Variants in TCN1 observed in about 807,000 individuals in gnomAD.
TCN1 encodes the protein transcobalamin 1, also known as transcobalamin-1.
In TCN1, 47 loss-of-function variants were observed where a neutral mutation model predicts 46.3. The ratio of observed to expected loss-of-function variants is 1.01; its 90% CI spans 0.80 to 1.29. TCN1 has a LOEUF of 1.29. Among genes scored for constraint, TCN1 ranks in the 50% most tolerant of loss-of-function variants. TCN1 has a pLI of 0.00. For synonymous variants in TCN1, 183 were observed against 192.5 expected (o/e 0.95, Z 0.41); for missense variants, 532 against 511.0 (o/e 1.04, Z -0.40).
At chr11:59,855,215 G>A (rs146841598) in intron 6 of TCN1, among the ~76,000 whole-genome samples, 101 of 152,022 alleles carry the variant, frequency 6.6e-4, no homozygotes, top group African/African-American at 2.2e-3. Flanking sequence ...GAATTGCCAG[G>A]CACTATACTA....
Position 59,864,147 on chromosome 11 carries a change from A to C in TCN1, c.80-61T>G. 3 of 1,560,828 alleles carry C rather than the reference A, an allele frequency of 1.9e-6. No individual in the cohort carries two copies. The South Asian group carries it at 3.3e-5, about 17-fold the overall frequency. ...CTCAGAAAATAGTAAGACTTGCAGC[A>C]GGGGTTATATAAAAATATTTAGTAA... is the stretch of plus-strand genomic sequence containing the variant. On this transcript the variant is annotated intron_variant, in intron 1 of 8. Coordinates refer to ENST00000257264, the MANE Select transcript of TCN1 (RefSeq NM_001062.4).
At chr11:59,864,239 G>A (rs1341717890) in intron 1 of TCN1, among the ~76,000 whole-genome samples, 153 bp from the exon 2 acceptor site, 2 of 152,124 alleles carry the variant, frequency 1.3e-5, no homozygotes, top group Non-Finnish European at 2.9e-5. Flanking sequence ...ATACAAAGGT[G>A]GGTCTTGAAC....
chr11:59,860,375 C>T (rs1041534080), intron 4 of TCN1, among the ~76,000 whole-genome samples: 5 of 151,092 alleles, frequency 3.3e-5, no homozygotes, highest in South Asian at 2.1e-4. Flanking sequence ...GTGATCCACC[C>T]GCCTCGGCCT....
chr11:59,855,698 C>T (rs539344783), intron 6 of TCN1, among the ~76,000 whole-genome samples, 171 bp downstream of exon 6: 13 of 152,176 alleles, frequency 8.5e-5, no homozygotes, highest in Non-Finnish European at 1.5e-4. Flanking sequence ...AAGAACAAAT[C>T]CTCAGGTGAC....
At chr11:59,856,138 G>A (rs914925126) in intron 5 of TCN1, 80 bp from the exon 6 acceptor site, 3 of 1,178,800 alleles carry the variant, frequency 2.5e-6, no homozygotes, top group African/African-American at 3.0e-5. Context: ...TCAAATAAGG[G>A]GGAAGCCTTA....
Position 59,862,673 on chromosome 11 carries a change from T to C in TCN1, c.309A>G (p.Gly103=). Residue 103 remains glycine (G), a synonymous_variant, in exon 3 of 9, where the codon GGA becomes GGG. Coordinates refer to ENST00000257264, the MANE Select transcript of TCN1 (RefSeq NM_001062.4). ...AGTTTTCCTCAGCGTTACGACATAC[T>C]CCCAAAGCCAGTATAATCAAGGCAA... The part of the protein sequence containing the change: ...GELALIILAL[G]VCRNAEENLI... The C allele has an allele frequency of 6.2e-7, 1 of 1,613,780 alleles. No homozygotes were observed. The highest frequency in any genetic ancestry group is 8.5e-7 in the Non-Finnish European group (1 of 1,179,860).
At position 59,861,442 on chromosome 11, in the gene TCN1, G is replaced by C; in HGVS notation, c.556+85C>G. On this transcript the variant is annotated intron_variant, in intron 4 of 8. Transcript: ENST00000257264. ...AAAGAGGGTAGAAAATAAAATCCAG[G>C]TACTTACTGGTAGAAAAACTCAAAG... 5.6e-6 allele frequency: 8 copies of C among 1,426,588 alleles called. No homozygotes were observed. The South Asian group carries it at 9.2e-5, about 16-fold the overall frequency. 88.4% of individuals were successfully genotyped at this position (1,426,588 alleles called of 1,614,324 possible). A position where few individuals can be genotyped will look rare whatever the true frequency, so the allele number is the denominator to read the frequency against.
chr11:59,863,986 G>A lies in TCN1; in HGVS notation c.180C>T (p.Ser60=). The change falls in exon 2 of 9, where the codon TCC becomes TCT. Residue 60 remains serine, a synonymous_variant. Coordinates refer to ENST00000257264, the MANE Select transcript of TCN1 (RefSeq NM_001062.4). The part of the protein sequence containing the change: ...RGTSAVNVVL[S]LKLVGIQIQT... Reference sequence around the variant, plus strand: ...GGATCTGGATTCCAACAAGTTTGAGGGACAACACAACATTGACAGCGCTGG... The same window carrying A: ...GGATCTGGATTCCAACAAGTTTGAGAGACAACACAACATTGACAGCGCTGG... 6.2e-7 allele frequency: 1 copy of A among 1,613,746 alleles called. No homozygotes were observed. Among genetic ancestry groups the A allele is most frequent in the Non-Finnish European group, 8.5e-7 (1 of 1,179,838 alleles).
At chr11:59,855,762 T>G in intron 6 of TCN1, 107 bp downstream of exon 6, 1 of 1,232,192 alleles carries the variant, frequency 8.1e-7, no homozygotes, top group Non-Finnish European at 1.2e-6. Context: ...ACTGTTATGT[T>G]TTGGAGGTTT....
chr11:59,855,963 G>A lies in TCN1; in HGVS notation c.843C>T (p.Phe281=). The change falls in exon 6 of 9, where the codon TTC becomes TTT. Residue 281 remains phenylalanine (F), a synonymous_variant. Coordinates refer to ENST00000257264, the MANE Select transcript of TCN1 (RefSeq NM_001062.4). ...TVLTEISQGA[F]SNPNAAAQVL... is the part of the protein sequence containing the mutation. The stretch of plus-strand genomic sequence containing the variant: ...CCTGGGCTGCAGCGTTTGGATTGCT[G>A]AATGCTCCTTGAGAAATTTCCGTGA... The A allele has an allele frequency of 1.2e-6, 2 of 1,610,236 alleles. No homozygotes were observed. The highest frequency in any genetic ancestry group is 1.7e-6 in the Non-Finnish European group (2 of 1,178,114).
intron 7 of TCN1, 118 bp from the exon 8 acceptor site, chr11:59,853,439 A>G (rs1276088191): frequency 3.1e-6 from 3 of 956,062 alleles, no homozygotes; most frequent in Non-Finnish European, 5.1e-6. Flanking sequence ...AAAAATGCAG[A>G]TTTCCTGGCC....
chr11:59,854,649 T>C lies in TCN1; in HGVS notation c.1121+3A>G. The C allele has an allele frequency of 1.2e-6, 2 of 1,613,678 alleles. No individual in the cohort carries two copies. The highest frequency in any genetic ancestry group is 3.3e-4 in the Middle Eastern group (2 of 6,052). ...CTTAACCTTAGGTTAGGTACAGACC[T>C]ACCCAAATATAGTATCATTCATTTT... On this transcript the variant is annotated splice_donor_region_variant and intron_variant, in intron 7 of 8. Coordinates refer to ENST00000257264, the MANE Select transcript of TCN1 (RefSeq NM_001062.4).
At chr11:59,862,319 A>ATGTGTGTGTGTG (rs111246786) in intron 3 of TCN1, among the ~76,000 whole-genome samples, 2 of 150,310 alleles carry the variant, frequency 1.3e-5, no homozygotes, top group African/African-American at 4.9e-5. Context: ...GTGTGTGTGC[A>ATGTGTGTGTGTG]TGTGTGTGTG....
intron 4 of TCN1, among the ~76,000 whole-genome samples, chr11:59,859,930 A>T (rs1852998989): frequency 6.6e-6 from 1 of 152,216 alleles, no homozygotes. Context: ...CAGGCCATGG[A>T]GCCCAGCTGA....
At chr11:59,857,400 A>G (rs1852955891) in intron 5 of TCN1, among the ~76,000 whole-genome samples, 1 of 152,210 alleles carries the variant, frequency 6.6e-6, no homozygotes, top group Non-Finnish European at 1.5e-5. Flanking sequence ...GTTCAAACTT[A>G]GTAAGGCAAT....
chr11:59,853,058 A>T, intron 8 of TCN1, 22 bp from the exon 9 acceptor site: 1 of 1,613,770 alleles, frequency 6.2e-7, no homozygotes. Context: ...GAAGAAAGAG[A>T]ACTGGGTCAA....
rs756497598 is a variant in TCN1 at position 59,864,023 on chromosome 11, T to C, written c.143A>G (p.Tyr48Cys). The C allele has an allele frequency of 1.4e-5, 22 of 1,614,010 alleles. 1 individual carries two copies. The highest frequency in any genetic ancestry group is 1.1e-4 in the South Asian group (10 of 91,088). ...ATTGACAGCGCTGGTTCCCCTGTTA[T>C]AGTTTGACTGGATCATTGTATTCAA... The part of the protein sequence containing the change: ...PLLNTMIQSN[Y>C]NRGTSAVNVV... Residue 48 changes from tyrosine to cysteine, a missense_variant, in exon 2 of 9, where the codon TAT becomes TGT. By Grantham distance (194) the Tyr-to-Cys change is radical (BLOSUM62 -2). Transcript: ENST00000257264.
rs1565215841 is a variant in TCN1, at chr11:59,866,384, T to A, written c.79+8A>T. On this transcript the variant is annotated splice_region_variant and intron_variant, in intron 1 of 8. Transcript: ENST00000257264. ...CTCTAGAGTAATTTTAGCTCAAAGTTTACTCACCACAAATCTCGCATAGTT... is the reference window on the plus strand; with the variant it reads ...CTCTAGAGTAATTTTAGCTCAAAGTATACTCACCACAAATCTCGCATAGTT... The A allele has an allele frequency of 1.2e-6, 2 of 1,613,188 alleles. No homozygotes were observed. The highest frequency in any genetic ancestry group is 1.7e-6 in the Non-Finnish European group (2 of 1,179,312).
At chr11:59,858,333 T>C (rs183164192) in intron 5 of TCN1, among the ~76,000 whole-genome samples, 215 of 132,926 alleles carry the variant, frequency 1.6e-3, no homozygotes, top group Admixed American at 7.1e-3. Flanking sequence ...TTAAAACTTA[T>C]GCGTTATTTC....
Sources: gnomAD v4.1 joint callset for allele counts (sites outside exome capture counted in the v4.1 genomes callset) on GRCh38, gnomAD v4.1.1 for gene constraint, MANE v1.5 for transcripts, NCBI Gene and HGNC (gene_info 2026-07-23, HGNC 2026-07-21) for gene names.